The following CCDC88A variants were observed in gnomAD, a reference collection of about 807,000 sequenced individuals.
CCDC88A encodes girdin.
Under a neutral mutation model 234.3 loss-of-function variants are expected in CCDC88A, and 54 were observed. The observed-to-expected ratio is 0.23, with a 90% CI of 0.19 to 0.29. CCDC88A has a LOEUF of 0.29. CCDC88A is among the 10% of genes least tolerant of loss of function. CCDC88A has a pLI of 1.00. For synonymous variants in CCDC88A, 753 were observed against 737.8 expected (o/e 1.02, Z -0.33); for missense variants, 1,832 against 2,123.4 (o/e 0.86, Z 2.70).
chr2:55,343,917 T>G, intron 11 of CCDC88A, 125 bp from the exon 12 acceptor site: 1 of 828,230 alleles, frequency 1.2e-6, no homozygotes, highest in East Asian at 2.8e-5. Flanking sequence ...TTCTTTAAAT[T>G]TTTCAGTTTT....
chr2:55,318,781 C>T, intron 19 of CCDC88A, 62 bp downstream of exon 19: 2 of 1,268,796 alleles, frequency 1.6e-6, no homozygotes, highest in Non-Finnish European at 1.1e-6. Context: ...GTTTACCCTC[C>T]CTTATTTTAA....
chr2:55,322,725 GAA>G (rs754316466), intron 17 of CCDC88A, 33 bp from the exon 18 acceptor site: 2 of 1,198,998 alleles, frequency 1.7e-6, no homozygotes, highest in African/African-American at 1.6e-5. Flanking sequence ...TTAATGGGGA[GAA>G]AAAAATCACC....
At chr2:55,411,843 G>A (rs961158294) in intron 2 of CCDC88A, among the ~76,000 whole-genome samples, 1 of 146,806 alleles carries the variant, frequency 6.8e-6, no homozygotes, top group Admixed American at 6.8e-5. Flanking sequence ...AAACCAAACT[G>A]AAAGCACTGT....
chr2:55,382,090 G>A (rs1674693953), intron 3 of CCDC88A, among the ~76,000 whole-genome samples: 1 of 152,120 alleles, frequency 6.6e-6, no homozygotes, highest in African/African-American at 2.4e-5. Flanking sequence ...TACCTGACCA[G>A]TGTCAAAAAT....
intron 23 of CCDC88A, among the ~76,000 whole-genome samples, chr2:55,310,512 TG>T (rs1409631129): frequency 7.3e-5 from 11 of 151,458 alleles, no homozygotes; most frequent in Non-Finnish European, 1.3e-4. Flanking sequence ...AACTCAGGAG[TG>T]GAGTTTGCAG....
chr2:55,397,918 T>C (rs1677895673), intron 2 of CCDC88A, among the ~76,000 whole-genome samples: 1 of 152,138 alleles, frequency 6.6e-6, no homozygotes, highest in Non-Finnish European at 1.5e-5. Flanking sequence ...TGCAAAAGAC[T>C]GCTTTTAACA....
chr2:55,399,908 C>G (rs1163065759), intron 2 of CCDC88A: 3 of 152,044 alleles, frequency 2.0e-5, no homozygotes, highest in Non-Finnish European at 4.4e-5. Context: ...AACACTCATT[C>G]CTGTGTGTGT....
chr2:55,292,993 T>C (rs1055764215), intron 31 of CCDC88A: 1 of 140,686 alleles, frequency 7.1e-6, no homozygotes, highest in African/African-American at 2.5e-5. Flanking sequence ...CATATTTCTC[T>C]TATATGCACA....
chr2:55,345,140 T>A (rs183707438), intron 10 of CCDC88A, among the ~76,000 whole-genome samples: 8 of 152,344 alleles, frequency 5.3e-5, no homozygotes, highest in African/African-American at 7.2e-5. Context: ...GTGGTATTCA[T>A]GAGAATCCCT....
intron 31 of CCDC88A, chr2:55,295,253 CAA>C: frequency 7.4e-7 from 1 of 1,357,026 alleles, no homozygotes; most frequent in Non-Finnish European, 9.8e-7. Context: ...CAGGTTTATC[CAA>C]AGAGGCAGAA....
intron 5 of CCDC88A, among the ~76,000 whole-genome samples, chr2:55,369,449 CT>C (rs10587591): frequency 0.017 from 2,110 of 125,358 alleles, 14 homozygotes; most frequent in Middle Eastern, 0.021. Flanking sequence ...TTCAACCACA[CT>C]TTTTTTTTTT....
At chr2:55,385,910 C>A (rs1574403509) in intron 3 of CCDC88A, among the ~76,000 whole-genome samples, 1 of 133,884 alleles carries the variant, frequency 7.5e-6, no homozygotes, top group Admixed American at 7.6e-5. Context: ...AATTAGAGAG[C>A]TAACTTCTCC....
In CCDC88A at chr2:55,289,996, A is replaced by C. The variant is rs1368015061; in HGVS notation, c.*1204T>G. On this transcript the variant is annotated 3_prime_UTR_variant, in exon 33 of 33. Transcript: ENST00000436346. ...GATTACTCTGATATTGATGTTAAAT[A>C]ATGAATTTGCATTAATGAGTATCAA... 6.6e-6 allele frequency: 1 copy of C among 152,582 alleles called. No homozygotes were observed. The highest frequency in any genetic ancestry group is 2.4e-5 in the African/African-American group (1 of 41,474). The allele number at this position is 152,582 out of a possible 1,614,324, so 9.5% of individuals were successfully genotyped here.
intron 3 of CCDC88A, among the ~76,000 whole-genome samples, chr2:55,380,596 A>G (rs1477768619): frequency 6.6e-6 from 1 of 152,098 alleles, no homozygotes; most frequent in East Asian, 1.9e-4. Flanking sequence ...TAAAAATAGT[A>G]TATTAACCAT....
chr2:55,292,595 T>TTG (rs1272596457), intron 31 of CCDC88A: 1 of 152,234 alleles, frequency 6.6e-6, no homozygotes, highest in Non-Finnish European at 1.5e-5. Flanking sequence ...AGAACTAGTG[T>TTG]TGTGGCCAGT....
At chr2:55,361,798 T>A (rs1350912181) in intron 7 of CCDC88A, 1 of 152,368 alleles carries the variant, frequency 6.6e-6, no homozygotes, top group Non-Finnish European at 1.5e-5. Context: ...AGCAAAGCTC[T>A]GTTTTAACGG....
In CCDC88A at chr2:55,317,881, G is replaced by C. The variant is rs777024396; in HGVS notation, c.3325-40C>G. 2.0e-5 allele frequency: 27 copies of C among 1,347,558 alleles called. No homozygotes were observed. Among genetic ancestry groups the C allele is most frequent in the Non-Finnish European group, 2.6e-5 (26 of 987,650 alleles). The allele number at this position is 1,347,558 out of a possible 1,614,324, so 83.5% of individuals were successfully genotyped here. A position where few individuals can be genotyped will look rare whatever the true frequency, so the allele number is the denominator to read the frequency against. On this transcript the variant is annotated intron_variant, in intron 19 of 32. Transcript: ENST00000436346. This position sits in a 1 kb window ranked among gnomAD's most constrained non-coding sequence, Gnocchi z 4.2. ...ATTGTTATCAGACATAAGAAAAACA[G>C]TTCATGTTCTTTTTCAAAATACAAG...
intron 7 of CCDC88A, among the ~76,000 whole-genome samples, chr2:55,357,394 TCTC>T (rs1250601190): frequency 6.8e-6 from 1 of 147,120 alleles, no homozygotes; most frequent in Non-Finnish European, 1.5e-5. Context: ...CCCTCCTCTC[TCTC>T]CTCTCTCTCT....
intron 3 of CCDC88A, among the ~76,000 whole-genome samples, chr2:55,387,176 CAAAAAAAAAAA>C (rs869311337): frequency 5.7e-5 from 4 of 69,770 alleles, no homozygotes; most frequent in East Asian, 7.7e-4. Flanking sequence ...GATTCCATCT[CAAAAAAAAAAA>C]AAAAAAAAAA....
Sources: allele counts gnomAD v4.1 joint callset (sites outside exome capture counted in the v4.1 genomes callset), GRCh38; gene constraint gnomAD v4.1.1; non-coding constraint Gnocchi (gnomAD v3.1); transcripts MANE v1.5; gene names NCBI Gene and HGNC (gene_info 2026-07-23, HGNC 2026-07-21).